Variants in SEMA3A observed in about 807,000 individuals in gnomAD.
SEMA3A encodes the protein semaphorin-3A.
Under a neutral mutation model 97.9 loss-of-function variants are expected in SEMA3A, and 29 were observed. The observed-to-expected ratio is 0.30, with a 90% CI of 0.22 to 0.40. The LOEUF (loss-of-function observed/expected upper bound fraction) is 0.40, where lower values mean the gene tolerates loss of function less well. SEMA3A is among the 10% of genes least tolerant of loss of function. The probability of loss-of-function intolerance (pLI) is 1.00; values close to 1 mark genes in which losing one functional copy is unlikely to be tolerated. For synonymous variants in SEMA3A, 321 were observed against 323.7 expected (o/e 0.99, Z 0.09); for missense variants, 763 against 951.3 (o/e 0.80, Z 2.60).
At chr7:84,223,591 T>C (rs1798928440) in intron 3 of SEMA3A, among the ~76,000 whole-genome samples, 1 of 151,884 alleles carries the variant, frequency 6.6e-6, no homozygotes, top group African/African-American at 2.4e-5. Context: ...CAATATACAG[T>C]GTGTTTCTGT....
intron 1 of SEMA3A, among the ~76,000 whole-genome samples, chr7:84,410,304 A>T (rs1804226023): frequency 6.6e-6 from 1 of 152,012 alleles, no homozygotes; most frequent in African/African-American, 2.4e-5. Context: ...TTGAGAATTG[A>T]GTGCAGTTTT....
intron 4 of SEMA3A, among the ~76,000 whole-genome samples, chr7:84,089,311 C>T (rs571264867): frequency 2.2e-4 from 34 of 152,178 alleles, no homozygotes; most frequent in South Asian, 4.1e-4. Flanking sequence ...ACTAATTTTG[C>T]CATTTTCAAA....
At chr7:84,367,200 A>G (rs530668617) in intron 2 of SEMA3A, among the ~76,000 whole-genome samples, 64 of 151,394 alleles carry the variant, frequency 4.2e-4, no homozygotes, top group African/African-American at 1.4e-3. Flanking sequence ...ATAAACGTAT[A>G]GGTGAGATGT....
intron 3 of SEMA3A, among the ~76,000 whole-genome samples, chr7:84,266,892 A>G (rs1800019657): frequency 6.6e-6 from 1 of 152,190 alleles, no homozygotes; most frequent in Admixed American, 6.5e-5. Flanking sequence ...TATAGACACA[A>G]TAGAGATTAT....
chr7:84,235,243 T>C (rs1799208043), intron 3 of SEMA3A, among the ~76,000 whole-genome samples: 1 of 152,048 alleles, frequency 6.6e-6, no homozygotes, highest in Non-Finnish European at 1.5e-5. Context: ...TAATTGCACA[T>C]TATATTAATA....
At chr7:84,253,446 G>A (rs1481296847) in intron 3 of SEMA3A, among the ~76,000 whole-genome samples, 2 of 151,914 alleles carry the variant, frequency 1.3e-5, no homozygotes, top group African/African-American at 2.4e-5. Context: ...CAACTTTAAT[G>A]AGGTCAGTTT....
rs1245542703 is a variant in SEMA3A, at chr7:84,055,077, G to T, written c.547+5388C>A. Among the ~76,000 whole-genome samples, 5 of 152,036 alleles carry T rather than the reference G, an allele frequency of 3.3e-5. No individual in the cohort carries two copies. In the South Asian group the frequency reaches 1.0e-3, roughly 32 times the overall value. On this transcript the variant is annotated intron_variant, in intron 5 of 16. Coordinates refer to ENST00000265362, the MANE Select transcript of SEMA3A (RefSeq NM_006080.3). The stretch of plus-strand genomic sequence containing the variant: ...TCTGCCCGTTCTCAGATCTCCAGCT[G>T]CGTGCTGGGAGAACCACTGCTCTCT...
rs375539237 is a variant in SEMA3A, at chr7:84,449,026, G to T, written c.-246+43434C>A. 7.0e-4 allele frequency among the ~76,000 whole-genome samples: 106 copies of T among 152,146 alleles called. 1 individual carries two copies. The highest frequency in any genetic ancestry group is 2.4e-3 in the African/African-American group (98 of 41,520). ...TGGCCAAAAGTATTTCAACAAAATT[G>T]CCAAGACCATTCAAGGGAGAAAAGA... On this transcript the variant is annotated intron_variant, in intron 1 of 3. Coordinates refer to the SEMA3A transcript ENST00000424555.
chr7:83,984,005 G>A (rs1170257636), intron 13 of SEMA3A, among the ~76,000 whole-genome samples: 2 of 151,976 alleles, frequency 1.3e-5, no homozygotes, highest in Admixed American at 6.6e-5. Flanking sequence ...GAAAATAAAG[G>A]AAAAAGACAC....
chr7:84,434,161 C>T (rs1805060370), intron 1 of SEMA3A, among the ~76,000 whole-genome samples: 1 of 151,982 alleles, frequency 6.6e-6, no homozygotes, highest in African/African-American at 2.4e-5. Flanking sequence ...TTACATTTCT[C>T]AGATAATTAG....
At position 84,394,595 on chromosome 7, in the gene SEMA3A, T is replaced by A. The variant is rs73711550; in HGVS notation, c.-245-22695A>T. On this transcript the variant is annotated intron_variant, in intron 1 of 3. Transcript: ENST00000424555. ...TCTAGCAAAGGGCCCAGTATCAGTATGAGAGTCATAGTTGATGGCTGATTG... is the reference window on the plus strand; with the variant it reads ...TCTAGCAAAGGGCCCAGTATCAGTAAGAGAGTCATAGTTGATGGCTGATTG... Among the ~76,000 whole-genome samples, 158 of 152,254 alleles carry A rather than the reference T, an allele frequency of 1.0e-3. 2 individuals carry two copies. Among genetic ancestry groups the A allele is most frequent in the African/African-American group, 3.7e-3 (153 of 41,568 alleles).
At chr7:84,157,429 G>A (rs961913522) in intron 1 of SEMA3A, among the ~76,000 whole-genome samples, 1 of 151,618 alleles carries the variant, frequency 6.6e-6, no homozygotes, top group Non-Finnish European at 1.5e-5. Flanking sequence ...TCACACGCAC[G>A]GTTTTGTTGT....
chr7:84,000,290 C>CTCTATACCA (rs1381504917), intron 12 of SEMA3A, among the ~76,000 whole-genome samples: 19 of 152,026 alleles, frequency 1.2e-4, no homozygotes, highest in Admixed American at 1.2e-3. Flanking sequence ...TTAGTCATCA[C>CTCTATACCA]TCTATACCAG....
Position 84,474,875 on chromosome 7 carries a change from T to C in SEMA3A, c.-246+17585A>G, listed in dbSNP as rs945648913. 2.0e-5 allele frequency among the ~76,000 whole-genome samples: 3 copies of C among 152,088 alleles called. No homozygotes were observed. In the East Asian group the frequency reaches 5.8e-4, roughly 29 times the overall value. ...AGTCAGAAGAATTGTCTCTCTATTT[T>C]AGGGGATCAGAACGCTTTGGAGAAA... On this transcript the variant is annotated intron_variant, in intron 1 of 3. Coordinates refer to the SEMA3A transcript ENST00000424555.
chr7:84,224,261 A>AT (rs981772266), intron 3 of SEMA3A, among the ~76,000 whole-genome samples: 2 of 152,038 alleles, frequency 1.3e-5, no homozygotes, highest in East Asian at 3.9e-4. Flanking sequence ...TTGGTGTTTC[A>AT]TTTTTTATCT....
chr7:84,259,847 G>A lies in SEMA3A; in HGVS notation c.-83+47360C>T, dbSNP rs113906949. Among the ~76,000 whole-genome samples the A allele has an allele frequency of 1.2e-3, 178 of 148,722 alleles. 1 individual carries two copies. Among genetic ancestry groups the A allele is most frequent in the Middle Eastern group, 7.2e-3 (2 of 276 alleles). ...AAAAAAGAAAAGAAAGGAAAAAAAA[G>A]AGCAAGCAAGTAGAGAAATTGGCAT... On this transcript the variant is annotated intron_variant, in intron 3 of 3. Coordinates refer to the SEMA3A transcript ENST00000424555.
rs9642180 is a variant in SEMA3A, at chr7:84,459,827, A to G, written c.-246+32633T>C. Among the ~76,000 whole-genome samples, 2,118 of 152,242 alleles carry G rather than the reference A, an allele frequency of 0.014. 82 individuals carry two copies. The East Asian group carries it at 0.16, about 11-fold the overall frequency. ...TGGGTGACTTGAGCTCAGGAGTTTG[A>G]GAAGAGCCTGGGCAACATGGCAAAA... On this transcript the variant is annotated intron_variant, in intron 1 of 3. Coordinates refer to the SEMA3A transcript ENST00000424555.
intron 3 of SEMA3A, among the ~76,000 whole-genome samples, chr7:84,295,981 T>C (rs1192354860): frequency 3.3e-5 from 5 of 152,028 alleles, no homozygotes; most frequent in South Asian, 2.1e-4. Flanking sequence ...ATCATGAAAA[T>C]GATTCAGCAA....
At chr7:84,064,001 G>A (rs1362943672) in intron 4 of SEMA3A, among the ~76,000 whole-genome samples, 5 of 151,726 alleles carry the variant, frequency 3.3e-5, no homozygotes, top group East Asian at 3.9e-4. Context: ...AGGAAAAAAT[G>A]TTAAGGGCAG....
Sources: allele counts gnomAD v4.1 joint callset (sites outside exome capture counted in the v4.1 genomes callset), GRCh38; gene constraint gnomAD v4.1.1; transcripts MANE v1.5; gene names NCBI Gene and HGNC (gene_info 2026-07-23, HGNC 2026-07-21).